ESRP1: variants seen among roughly 807,000 people sequenced by gnomAD.
The protein encoded by ESRP1 is epithelial splicing regulatory protein 1.
Under a neutral mutation model 81.7 loss-of-function variants are expected in ESRP1, and 33 were observed. The observed-to-expected ratio is 0.40, with a 90% CI of 0.31 to 0.54. The LOEUF (loss-of-function observed/expected upper bound fraction) is 0.54. Ranked by LOEUF, ESRP1 falls within the 20% of genes least tolerant of loss-of-function variation. The pLI, the probability that ESRP1 is intolerant of heterozygous loss-of-function variation, is 0.41. For synonymous variants in ESRP1, 320 were observed against 303.3 expected, an observed-to-expected ratio of 1.06 and a Z score of -0.57; for missense variants, 672 against 833.1, an observed-to-expected ratio of 0.81 and a Z score of 2.38.
chr8:94,670,518 G>T (rs1819262924), intron 10 of ESRP1, among the ~76,000 whole-genome samples: 1 of 152,088 alleles, frequency 6.6e-6, no homozygotes, highest in Non-Finnish European at 1.5e-5. Context: ...TTTGGGGAAG[G>T]GTTCATTGAT....
At chr8:94,666,433 TA>T (rs1260039000) in intron 9 of ESRP1, among the ~76,000 whole-genome samples, 3 of 152,252 alleles carry the variant, frequency 2.0e-5, no homozygotes, top group Non-Finnish European at 4.4e-5. Flanking sequence ...GTCAATATTT[TA>T]AAATCTCTGT....
rs568157062 is a variant in ESRP1, at chr8:94,674,370, A to G, written c.1515A>G (p.Ala505=). ...CTGCGGACAGAGCATTTATGGCTGC[A>G]CAGAAGTGTCATAAAAAAAACATGA... ...MKSADRAFMA[A]QKCHKKNMKD... The change falls in exon 12 of 16, where the codon GCA becomes GCG. Residue 505 remains alanine (A), a synonymous_variant. Transcript: ENST00000433389. The G allele has an allele frequency of 3.1e-6, 5 of 1,614,026 alleles. No individual in the cohort carries two copies. The highest frequency in any genetic ancestry group is 2.2e-5 in the East Asian group (1 of 44,888).
chr8:94,656,655 T>C (rs1245233365), intron 4 of ESRP1, among the ~76,000 whole-genome samples: 3 of 152,226 alleles, frequency 2.0e-5, no homozygotes, highest in Non-Finnish European at 4.4e-5. Flanking sequence ...TTCATTAGCA[T>C]AGGTATTATA....
In ESRP1 at chr8:94,672,713, A is replaced by G. The variant is rs368259450; in HGVS notation, c.1452+1042A>G. ...ATTCCCGGCTAATTTTGGTATTTTT[A>G]GTAGAGACAGGATTTCACCATGTTG... On this transcript the variant is annotated intron_variant, in intron 11 of 15. Coordinates refer to ENST00000433389, the MANE Select transcript of ESRP1 (RefSeq NM_017697.4). 2.6e-5 allele frequency among the ~76,000 whole-genome samples: 4 copies of G among 152,240 alleles called. No homozygotes were observed. The South Asian group carries it at 8.3e-4, about 32-fold the overall frequency.
chr8:94,660,111 C>T (rs1275317641), intron 4 of ESRP1, among the ~76,000 whole-genome samples: 3 of 152,236 alleles, frequency 2.0e-5, no homozygotes, highest in African/African-American at 7.2e-5. Flanking sequence ...AAGGCAGCTA[C>T]ACTAAGCAGA....
chr8:94,661,300 C>T (rs1180949695), intron 4 of ESRP1, among the ~76,000 whole-genome samples: 1 of 152,142 alleles, frequency 6.6e-6, no homozygotes, highest in Middle Eastern at 3.2e-3. Context: ...CCTCGGCATC[C>T]CAAAGTGCTG....
chr8:94,701,274 CAAA>C (rs1165195392), intron 15 of ESRP1, among the ~76,000 whole-genome samples: 3 of 94,414 alleles, frequency 3.2e-5, no homozygotes, highest in South Asian at 3.2e-4. Flanking sequence ...GACTCCATCT[CAAA>C]AAAAAAAAAA....
At chr8:94,694,545 A>G (rs1809523081) in intron 14 of ESRP1, among the ~76,000 whole-genome samples, 1 of 152,244 alleles carries the variant, frequency 6.6e-6, no homozygotes, top group African/African-American at 2.4e-5. Flanking sequence ...CTGAGGTTAC[A>G]GTGAGCCAAG....
chr8:94,641,562 C>G, intron 1 of ESRP1, 112 bp downstream of exon 1: 1 of 1,459,032 alleles, frequency 6.9e-7, no homozygotes, highest in Non-Finnish European at 9.4e-7. Context: ...TGTTTGCCCA[C>G]TTGTGAGTCT....
chr8:94,654,147 C>T (rs958986550), intron 4 of ESRP1, among the ~76,000 whole-genome samples: 2 of 134,206 alleles, frequency 1.5e-5, no homozygotes, highest in African/African-American at 5.5e-5. Context: ...GGCGGAACCC[C>T]GTCTCTACTA....
At chr8:94,668,350 C>A in intron 10 of ESRP1, 100 bp downstream of exon 10, 1 of 1,165,176 alleles carries the variant, frequency 8.6e-7, no homozygotes, top group Non-Finnish European at 1.2e-6. Flanking sequence ...ATAAAACTGG[C>A]AAAATACTAA....
chr8:94,662,902 C>T (rs1352180053), intron 6 of ESRP1, among the ~76,000 whole-genome samples: 1 of 152,112 alleles, frequency 6.6e-6, no homozygotes, highest in South Asian at 2.1e-4. Flanking sequence ...CCACCTCGCC[C>T]GGCCTTTAAC....
At chr8:94,668,813 G>GTGT (rs1489119099) in intron 10 of ESRP1, among the ~76,000 whole-genome samples, 1 of 151,358 alleles carries the variant, frequency 6.6e-6, no homozygotes, top group African/African-American at 2.4e-5. Flanking sequence ...GTGTGTTTGA[G>GTGT]ATGGGGTCTT....
At chr8:94,653,462 C>T (rs1446197383) in intron 4 of ESRP1, among the ~76,000 whole-genome samples, 1 of 152,192 alleles carries the variant, frequency 6.6e-6, no homozygotes, top group Non-Finnish European at 1.5e-5. Flanking sequence ...GCCTGCCCCA[C>T]ACTCTGCAAT....
chr8:94,681,635 TC>T (rs1303400267), intron 13 of ESRP1, among the ~76,000 whole-genome samples: 2 of 150,694 alleles, frequency 1.3e-5, no homozygotes. Context: ...AGACTCCGTC[TC>T]AAAAAATAAA....
At chr8:94,699,234 T>C (rs1244029535) in intron 15 of ESRP1, among the ~76,000 whole-genome samples, 1 of 152,132 alleles carries the variant, frequency 6.6e-6, no homozygotes, top group Admixed American at 6.5e-5. Flanking sequence ...TGTGTTTATA[T>C]ATTTGGAGTC....
At chr8:94,650,578 G>A (rs1176820363) in intron 4 of ESRP1, among the ~76,000 whole-genome samples, 1 of 151,714 alleles carries the variant, frequency 6.6e-6, no homozygotes, top group Non-Finnish European at 1.5e-5. Context: ...ATCCATACAC[G>A]GTTTGTTTAT....
chr8:94,704,174 A>ATTTTTT (rs1809960473), intron 15 of ESRP1, among the ~76,000 whole-genome samples: 3 of 60,194 alleles, frequency 5.0e-5, no homozygotes, highest in African/African-American at 2.9e-4. Context: ...TGCTTCTGAG[A>ATTTTTT]CTTTTTTTTT....
chr8:94,688,567 CA>C, intron 13 of ESRP1: 1 of 207,794 alleles, frequency 4.8e-6, no homozygotes, highest in South Asian at 8.1e-5. Flanking sequence ...CATGAAGAAG[CA>C]AGATGAAAAC....
Sources: allele counts gnomAD v4.1 joint callset (sites outside exome capture counted in the v4.1 genomes callset), GRCh38; gene constraint gnomAD v4.1.1; transcripts MANE v1.5; gene names NCBI Gene and HGNC (gene_info 2026-07-23, HGNC 2026-07-21).